The following SASH1 variants were observed in gnomAD, a reference collection of about 807,000 sequenced individuals.
The protein encoded by SASH1 is SAM and SH3 domain containing 1, also known as SAM and SH3 domain-containing protein 1.
A neutral mutation model predicts 125.2 loss-of-function variants in SASH1; 44 were observed. That is an observed-to-expected ratio of 0.35 (90% CI 0.28 to 0.45). The LOEUF is 0.45. SASH1 is among the 20% of genes least tolerant of loss of function. SASH1 has a pLI of 1.00. For missense variants in SASH1, 1,426 were observed against 1,614.5 expected, an observed-to-expected ratio of 0.88 and a Z score of 2.00; for synonymous variants, 639 against 649.1, an observed-to-expected ratio of 0.98 and a Z score of 0.24.
intron 1 of SASH1, among the ~76,000 whole-genome samples, chr6:148,337,451 C>T (rs1041756148): frequency 6.6e-6 from 1 of 152,112 alleles, no homozygotes. Context: ...GTCTCGATCT[C>T]CTGACCTCGT....
chr6:148,210,434 G>A, the SASH1 span, among the ~76,000 whole-genome samples: 1 of 152,234 alleles, frequency 6.6e-6, no homozygotes, highest in South Asian at 2.1e-4. Context: ...TTGGGAGGCT[G>A]AGGCAGGAGA....
chr6:148,405,800 T>C (rs1053780500), intron 2 of SASH1, among the ~76,000 whole-genome samples: 17 of 152,224 alleles, frequency 1.1e-4, no homozygotes, highest in South Asian at 4.1e-4. Flanking sequence ...AAACTTGTTA[T>C]GCCTGGTGGA....
At chr6:148,465,413 A>G (rs1777786024) in intron 4 of SASH1, among the ~76,000 whole-genome samples, 1 of 152,164 alleles carries the variant, frequency 6.6e-6, no homozygotes, top group South Asian at 2.1e-4. Flanking sequence ...TTAGCCAGGC[A>G]TAGTGTCATA....
intron 1 of SASH1, among the ~76,000 whole-genome samples, chr6:148,291,974 A>C (rs1240068795): frequency 6.6e-6 from 1 of 152,194 alleles, no homozygotes; most frequent in African/African-American, 2.4e-5. Context: ...GAATTTGGTT[A>C]TTTTAAGATC....
chr6:148,203,283 T>A, the SASH1 span, among the ~76,000 whole-genome samples: 1 of 152,208 alleles, frequency 6.6e-6, no homozygotes, highest in Admixed American at 6.5e-5. Context: ...GTCACCATTA[T>A]GAGAATTCTG....
chr6:148,457,843 A>G (rs1324206341), intron 4 of SASH1, among the ~76,000 whole-genome samples: 2 of 152,214 alleles, frequency 1.3e-5, no homozygotes, highest in Non-Finnish European at 2.9e-5. Flanking sequence ...ACATGATGAC[A>G]AGAAGGAGAA....
Position 148,544,659 on chromosome 6 carries a change from G to T in SASH1, c.3189G>T (p.Glu1063Asp), listed in dbSNP as rs1396373156. The T allele has an allele frequency of 6.2e-7, 1 of 1,613,338 alleles. No individual in the cohort carries two copies. The highest frequency in any genetic ancestry group is 1.7e-5 in the Admixed American group (1 of 59,954). Residue 1063 changes from glutamate (E) to aspartate (D), a missense_variant, in exon 18 of 20, where the codon GAG (glutamate) becomes GAT (aspartate). Physicochemically the swap from Glu to Asp is conservative, Grantham distance 45 (BLOSUM62 2). Coordinates refer to ENST00000367467, the MANE Select transcript of SASH1 (RefSeq NM_015278.5). The surrounding 1 kb of genome is among the most constrained non-coding windows in gnomAD (Gnocchi z 6.4). ...PSTRPPPWLSELPENTSLQEH... is the reference protein window; with the variant it reads ...PSTRPPPWLSDLPENTSLQEH... Reference sequence around the variant, plus strand: ...CAAGGCCGCCCCCCTGGCTCTCAGAGCTCCCCGAGAACACAAGCCTCCAGG... The same window carrying T: ...CAAGGCCGCCCCCCTGGCTCTCAGATCTCCCCGAGAACACAAGCCTCCAGG...
upstream of SASH1, among the ~76,000 whole-genome samples, chr6:148,267,987 C>G (rs539357092): frequency 6.6e-6 from 1 of 152,162 alleles, no homozygotes; most frequent in African/African-American, 2.4e-5. Flanking sequence ...ATGAATCCCA[C>G]GAACGAAAGG....
At chr6:148,433,171 C>T (rs1776133979) in intron 2 of SASH1, among the ~76,000 whole-genome samples, 1 of 152,042 alleles carries the variant, frequency 6.6e-6, no homozygotes, top group East Asian at 1.9e-4. Context: ...ACAATAAATG[C>T]ATTTGAGGTT....
rs200708826 is a variant in SASH1, at chr6:148,482,688, A to ATTTTTTT, written c.628-4914_628-4908dup. 2.7e-4 allele frequency among the ~76,000 whole-genome samples: 27 copies of ATTTTTTT among 99,924 alleles called. 3 individuals carry two copies. The highest frequency in any genetic ancestry group is 1.1e-3 in the African/African-American group (24 of 22,534). The allele number at this position is 99,924 out of a possible 152,430, so 65.6% of individuals were successfully genotyped here. On this transcript the variant is annotated intron_variant, in intron 7 of 19. Transcript: ENST00000367467. ...AGGCATGTGCCACCACACCTGGCTA[A>ATTTTTTT]TTTTTTTTTTTTTTTTTTGAGAGAG...
At chr6:148,546,608 A>ATTG (rs1782589178) in intron 19 of SASH1, among the ~76,000 whole-genome samples, 1 of 152,248 alleles carries the variant, frequency 6.6e-6, no homozygotes, top group Admixed American at 6.5e-5. Context: ...AACAATGTAT[A>ATTG]CTTGAAAATT....
chr6:148,292,667 C>T (rs949544491), intron 1 of SASH1, among the ~76,000 whole-genome samples: 2 of 152,126 alleles, frequency 1.3e-5, no homozygotes, highest in Admixed American at 6.5e-5. Flanking sequence ...ACTCAGTTCC[C>T]CTCTCCAGCA....
intron 7 of SASH1, among the ~76,000 whole-genome samples, chr6:148,477,895 C>T (rs1778440121): frequency 6.6e-6 from 1 of 151,900 alleles, no homozygotes; most frequent in Non-Finnish European, 1.5e-5. Context: ...CAGTGTTTCA[C>T]CATGTTGGCC....
At chr6:148,404,384 C>G (rs1375933911) in intron 2 of SASH1, among the ~76,000 whole-genome samples, 1 of 151,600 alleles carries the variant, frequency 6.6e-6, no homozygotes, top group Non-Finnish European at 1.5e-5. Flanking sequence ...TTATGTAAAC[C>G]TATTTTTTAA....
intron 4 of SASH1, among the ~76,000 whole-genome samples, chr6:148,454,128 A>T (rs1360885233): frequency 6.6e-6 from 1 of 152,074 alleles, no homozygotes; most frequent in Non-Finnish European, 1.5e-5. Flanking sequence ...GCGAGGCTTC[A>T]GCTTCGCGGG....
intron 1 of SASH1, among the ~76,000 whole-genome samples, chr6:148,323,210 G>A (rs1016137828): frequency 4.6e-5 from 7 of 151,894 alleles, no homozygotes; most frequent in Admixed American, 3.3e-4. Flanking sequence ...GAGTTTCGCC[G>A]CATTGGCCAG....
intron 8 of SASH1, among the ~76,000 whole-genome samples, chr6:148,494,280 A>G (rs1779225203): frequency 6.6e-6 from 1 of 152,236 alleles, no homozygotes; most frequent in African/African-American, 2.4e-5. Flanking sequence ...AACCATGACA[A>G]CAAAGCACAA....
At chr6:148,355,831 A>G (rs1206979481) in intron 1 of SASH1, among the ~76,000 whole-genome samples, 2 of 152,204 alleles carry the variant, frequency 1.3e-5, no homozygotes, top group Non-Finnish European at 2.9e-5. Flanking sequence ...GTACTTTTAC[A>G]TATGCTGATT....
At chr6:148,515,911 C>A (rs1475936993) in intron 9 of SASH1, among the ~76,000 whole-genome samples, 1 of 152,214 alleles carries the variant, frequency 6.6e-6, no homozygotes, top group Non-Finnish European at 1.5e-5. Flanking sequence ...ACTGAGATAA[C>A]ATGGGCAAAG....
Sources: gnomAD v4.1 joint callset for allele counts (sites outside exome capture counted in the v4.1 genomes callset) on GRCh38, gnomAD v4.1.1 for gene constraint, Gnocchi (gnomAD v3.1) non-coding constraint, MANE v1.5 for transcripts, NCBI Gene and HGNC (gene_info 2026-07-23, HGNC 2026-07-21) for gene names.